AGBL4: variants seen among roughly 807,000 people sequenced by gnomAD.
AGBL4 encodes cytosolic carboxypeptidase 6.
Under a neutral mutation model 66.4 loss-of-function variants are expected in AGBL4, and 58 were observed. The observed-to-expected ratio is 0.87, with a 90% CI of 0.71 to 1.09. The LOEUF (loss-of-function observed/expected upper bound fraction) is 1.09, where lower values mean the gene tolerates loss of function less well. Among genes scored for constraint, AGBL4 ranks in the 50% least tolerant of loss-of-function variants. The pLI, the probability that AGBL4 is intolerant of heterozygous loss-of-function variation, is 0.00. For synonymous variants in AGBL4, 234 were observed against 222.9 expected (o/e 1.05, Z -0.44); for missense variants, 579 against 631.0 (o/e 0.92, Z 0.88).
intron 4 of AGBL4, among the ~76,000 whole-genome samples, chr1:49,128,001 G>A (rs903490156): frequency 1.3e-5 from 2 of 151,540 alleles, no homozygotes; most frequent in Admixed American, 1.3e-4. Flanking sequence ...CAAGTCAACA[G>A]GAACAAATCC....
At chr1:49,692,011 A>G (rs577095885) in intron 3 of AGBL4, among the ~76,000 whole-genome samples, 32 of 152,220 alleles carry the variant, frequency 2.1e-4, no homozygotes, top group African/African-American at 7.2e-4. Flanking sequence ...AGATCTCATG[A>G]GACTTAGTCA....
At chr1:49,085,212 C>G (rs1644883270) in intron 4 of AGBL4, among the ~76,000 whole-genome samples, 1 of 151,928 alleles carries the variant, frequency 6.6e-6, no homozygotes, top group Admixed American at 6.6e-5. Flanking sequence ...CTCCTCCTGC[C>G]TTGGACATTG....
intron 3 of AGBL4, among the ~76,000 whole-genome samples, chr1:49,266,830 A>G (rs1165392534): frequency 1.3e-5 from 2 of 152,206 alleles, no homozygotes; most frequent in Non-Finnish European, 1.5e-5. Flanking sequence ...GCATGTTAAA[A>G]AGTTTTAACT....
At chr1:48,952,448 G>C (rs1334366614) in intron 5 of AGBL4, among the ~76,000 whole-genome samples, 1 of 152,234 alleles carries the variant, frequency 6.6e-6, no homozygotes, top group African/African-American at 2.4e-5. Context: ...TGAATTAATG[G>C]AAAGTGAGAA....
chr1:49,761,319 CTT>C (rs1013940274), intron 2 of AGBL4, among the ~76,000 whole-genome samples: 25 of 152,162 alleles, frequency 1.6e-4, no homozygotes, highest in African/African-American at 4.8e-4. Context: ...TTGTAAAACT[CTT>C]AATCTATTAT....
intron 3 of AGBL4, among the ~76,000 whole-genome samples, chr1:49,494,538 T>C (rs1408667233): frequency 2.6e-5 from 4 of 151,898 alleles, no homozygotes; most frequent in East Asian, 3.9e-4. Context: ...GGTTTTTTGT[T>C]CTTGCGATAG....
chr1:49,360,997 C>T (rs1253460970), intron 3 of AGBL4, among the ~76,000 whole-genome samples: 2 of 151,816 alleles, frequency 1.3e-5, no homozygotes, highest in South Asian at 2.1e-4. Flanking sequence ...AGAGTTTCAC[C>T]GTGTTGGCCA....
At chr1:49,984,286 C>A (rs1051996173) in intron 1 of AGBL4, among the ~76,000 whole-genome samples, 6 of 152,214 alleles carry the variant, frequency 3.9e-5, no homozygotes, top group Admixed American at 3.3e-4. Context: ...ATTTCAGTAA[C>A]TTTCTCGTAC....
intron 11 of AGBL4, among the ~76,000 whole-genome samples, chr1:48,581,484 G>A (rs1644739351): frequency 6.6e-6 from 1 of 152,148 alleles, no homozygotes; most frequent in South Asian, 2.1e-4. Flanking sequence ...TTCTTGGCTT[G>A]TAACCAGACT....
chr1:49,368,659 T>C (rs1570539809), intron 3 of AGBL4, among the ~76,000 whole-genome samples: 1 of 152,316 alleles, frequency 6.6e-6, no homozygotes, highest in East Asian at 1.9e-4. Context: ...TTCCTGGCTC[T>C]TTCTGTCCCA....
intron 1 of AGBL4, among the ~76,000 whole-genome samples, chr1:50,010,392 T>C (rs1407611426): frequency 1.3e-5 from 2 of 151,918 alleles, no homozygotes; most frequent in African/African-American, 4.8e-5. Flanking sequence ...TACAGATTCA[T>C]GCAATCTCTA....
intron 2 of AGBL4, among the ~76,000 whole-genome samples, chr1:49,827,199 G>A (rs745765044): frequency 1.4e-4 from 21 of 151,984 alleles, no homozygotes; most frequent in Non-Finnish European, 2.1e-4. Context: ...AAAGAGATAT[G>A]CGGTATATCA....
intron 12 of AGBL4, 108 bp downstream of exon 12, chr1:48,539,534 G>T: frequency 1.2e-6 from 1 of 825,902 alleles, no homozygotes; most frequent in Non-Finnish European, 1.7e-6. Context: ...TATCTTTCCT[G>T]CGGCACAGAT....
intron 11 of AGBL4, among the ~76,000 whole-genome samples, chr1:48,574,750 G>C (rs1269999972): frequency 6.6e-6 from 1 of 151,946 alleles, no homozygotes; most frequent in Non-Finnish European, 1.5e-5. Context: ...CCAGCTAAAG[G>C]CCCTTGTCTC....
intron 4 of AGBL4, among the ~76,000 whole-genome samples, chr1:49,131,269 A>G (rs1044698626): frequency 6.6e-6 from 1 of 152,044 alleles, no homozygotes; most frequent in Non-Finnish European, 1.5e-5. Flanking sequence ...AAAGGCACAA[A>G]AGGACTTTTG....
intron 1 of AGBL4, among the ~76,000 whole-genome samples, chr1:49,856,490 C>T (rs946496685): frequency 1.3e-5 from 2 of 152,062 alleles, no homozygotes; most frequent in Non-Finnish European, 2.9e-5. Context: ...AAAATATTAG[C>T]TAACTGAATC....
At chr1:48,938,091 T>C (rs1170854664) in intron 5 of AGBL4, among the ~76,000 whole-genome samples, 1 of 152,208 alleles carries the variant, frequency 6.6e-6, no homozygotes, top group African/African-American at 2.4e-5. Flanking sequence ...TGAAGGTGTA[T>C]GGTTCATGGT....
At position 49,001,010 on chromosome 1, in the gene AGBL4, C is replaced by T. The variant is rs373584215; in HGVS notation, c.594+44574G>A. On this transcript the variant is annotated intron_variant, in intron 5 of 13. Coordinates refer to ENST00000371839, the MANE Select transcript of AGBL4 (RefSeq NM_032785.4). ...AGGGTTGAGTGCCGGGCTCTTTCAACCTACCAACTATATCATCTTTAATGA... is the reference window on the plus strand; with the variant it reads ...AGGGTTGAGTGCCGGGCTCTTTCAATCTACCAACTATATCATCTTTAATGA... 5.3e-5 allele frequency among the ~76,000 whole-genome samples: 8 copies of T among 152,274 alleles called. No individual in the cohort carries two copies. In the East Asian group the frequency reaches 1.4e-3, roughly 26 times the overall value.
At chr1:49,767,844 A>G (rs898612635) in intron 2 of AGBL4, among the ~76,000 whole-genome samples, 3 of 152,194 alleles carry the variant, frequency 2.0e-5, no homozygotes, top group South Asian at 2.1e-4. Flanking sequence ...CAAGACAATC[A>G]TCTATAAGAA....
Sources: allele counts gnomAD v4.1 joint callset (sites outside exome capture counted in the v4.1 genomes callset), GRCh38; gene constraint gnomAD v4.1.1; transcripts MANE v1.5; gene names NCBI Gene and HGNC (gene_info 2026-07-23, HGNC 2026-07-21).